Variants in TTC8 observed in about 807,000 individuals in gnomAD.
TTC8 encodes the protein tetratricopeptide repeat domain 8.
Under a neutral mutation model 72.5 loss-of-function variants are expected in TTC8, and 47 were observed. The observed-to-expected ratio is 0.65, with a 90% CI of 0.51 to 0.83. The LOEUF (loss-of-function observed/expected upper bound fraction) is 0.83. TTC8 is among the 40% of genes least tolerant of loss of function. The probability of loss-of-function intolerance (pLI) is 0.00; values close to 1 mark genes in which losing one functional copy is unlikely to be tolerated. For missense variants in TTC8, 611 were observed against 623.2 expected, an observed-to-expected ratio of 0.98 and a Z score of 0.21; for synonymous variants, 199 against 221.4, an observed-to-expected ratio of 0.90 and a Z score of 0.90.
intron 11 of TTC8, among the ~76,000 whole-genome samples, chr14:88,870,405 T>C (rs891578692): frequency 2.0e-5 from 3 of 152,242 alleles, no homozygotes; most frequent in African/African-American, 7.2e-5. Context: ...AGAAACACAC[T>C]GGACAACTGA....
Position 88,841,446 on chromosome 14 carries a change from G to T in TTC8, c.511G>T (p.Asp171Tyr). The T allele has an allele frequency of 6.2e-7, 1 of 1,613,736 alleles. No individual in the cohort carries two copies. Among genetic ancestry groups the T allele is most frequent in the South Asian group, 1.1e-5 (1 of 91,076 alleles). Residue 171 changes from aspartate to tyrosine, a missense_variant, in exon 6 of 15, where the codon GAT becomes TAT. Physicochemically the swap from Asp to Tyr is radical, Grantham distance 160. Coordinates refer to ENST00000380656, the MANE Select transcript of TTC8 (RefSeq NM_144596.4). ...GTAGGCTTCCATGCTTACAAGTCCT[G>T]ATGGACCATTTATAAATTTATCTAG... ...LGTASMLTSPDGPFINLSRLN... is the reference protein window; with the variant it reads ...LGTASMLTSPYGPFINLSRLN...
chr14:88,843,116 A>G (rs2094789773), intron 6 of TTC8, among the ~76,000 whole-genome samples: 1 of 152,162 alleles, frequency 6.6e-6, no homozygotes, highest in South Asian at 2.1e-4. Context: ...GTAAATGCTT[A>G]TTTGTTTAGA....
chr14:88,868,671 T>C (rs2094921126), intron 10 of TTC8, among the ~76,000 whole-genome samples: 1 of 152,198 alleles, frequency 6.6e-6, no homozygotes, highest in South Asian at 2.1e-4. Context: ...GCAGTTGCCA[T>C]GTAGTTGTCA....
chr14:88,862,898 G>C (rs1266321007), intron 10 of TTC8, among the ~76,000 whole-genome samples: 1 of 151,530 alleles, frequency 6.6e-6, no homozygotes, highest in East Asian at 1.9e-4. Flanking sequence ...AATTATTGTA[G>C]TTTTACAATA....
intron 1 of TTC8, among the ~76,000 whole-genome samples, chr14:88,825,717 G>C (rs1471070374): frequency 6.6e-6 from 1 of 152,126 alleles, no homozygotes; most frequent in Non-Finnish European, 1.5e-5. Flanking sequence ...GGAGATGTTA[G>C]AAAAAATGGA....
chr14:88,870,063 TG>T lies in TTC8; in HGVS notation c.915del (p.Met305IlefsTer15), dbSNP rs1431207606. 12 of 1,613,920 alleles carry T rather than the reference TG, an allele frequency of 7.4e-6. No individual in the cohort carries two copies. The highest frequency in any genetic ancestry group is 1.0e-5 in the Non-Finnish European group (12 of 1,179,900). On this transcript the variant is annotated frameshift_variant, in exon 11 of 15. Transcript: ENST00000380656. LOFTEE classifies it high-confidence loss of function. ...LCGIARIYEE[M>X]NNMSSAAEYY... is the part of the protein sequence containing the mutation. ...TTCTCTCTTGATGGAGAATAGGAAA[TG>T]AACAATATGTCATCAGCAGCAGAAT...
At position 88,872,428 on chromosome 14, in the gene TTC8, G is replaced by T. The variant is rs1362262887; in HGVS notation, c.1323G>T (p.Glu441Asp). 1.2e-6 allele frequency: 2 copies of T among 1,614,024 alleles called. No individual in the cohort carries two copies. Among genetic ancestry groups the T allele is most frequent in the Admixed American group, 1.7e-5 (1 of 60,026 alleles). ...CCTACAACAACCTGGCTGTGCTGGA[G>T]ATGCGGAAGGGCCACGTTGAACAGG... Reference protein sequence around the residue: ...AEAYNNLAVLEMRKGHVEQAR... With the variant: ...AEAYNNLAVLDMRKGHVEQAR... Residue 441 changes from glutamate to aspartate, a missense_variant, in exon 13 of 15, where the codon GAG becomes GAT. Glu to Asp is a conservative substitution (Grantham distance 45). Coordinates refer to ENST00000380656, the MANE Select transcript of TTC8 (RefSeq NM_144596.4).
intron 7 of TTC8, chr14:88,846,741 A>T: frequency 1.1e-6 from 1 of 894,238 alleles, no homozygotes; most frequent in Non-Finnish European, 1.6e-6. Context: ...GCCGACTGTA[A>T]TTTTTACATA....
chr14:88,829,389 G>A (rs1332636963), intron 1 of TTC8, among the ~76,000 whole-genome samples: 1 of 152,210 alleles, frequency 6.6e-6, no homozygotes, highest in Admixed American at 6.5e-5. Context: ...TGCTTCTGCA[G>A]CTCATGTTGA....
intron 2 of TTC8, among the ~76,000 whole-genome samples, chr14:88,837,874 G>A (rs1188624354): frequency 6.6e-6 from 1 of 151,960 alleles, no homozygotes; most frequent in East Asian, 1.9e-4. Context: ...AGTTCCAATA[G>A]GAATTGTTTT....
chr14:88,853,902 T>G (rs1431541508), intron 8 of TTC8, among the ~76,000 whole-genome samples: 1 of 152,184 alleles, frequency 6.6e-6, no homozygotes, highest in Non-Finnish European at 1.5e-5. Context: ...TATCTTTTAT[T>G]ATTAAAATAG....
chr14:88,847,122 G>C (rs958348027), intron 7 of TTC8, among the ~76,000 whole-genome samples: 11 of 152,132 alleles, frequency 7.2e-5, no homozygotes, highest in Non-Finnish European at 1.6e-4. Flanking sequence ...TCAAGGGTAG[G>C]TGTGGCGAAT....
intron 13 of TTC8, among the ~76,000 whole-genome samples, chr14:88,872,768 C>T (rs1382006975): frequency 6.6e-6 from 1 of 152,110 alleles, no homozygotes; most frequent in East Asian, 1.9e-4. Flanking sequence ...ATCCTTGGAG[C>T]CACCCCGAAA....
intron 13 of TTC8, among the ~76,000 whole-genome samples, chr14:88,874,372 T>G (rs2094948013): frequency 6.6e-6 from 1 of 152,168 alleles, no homozygotes; most frequent in Non-Finnish European, 1.5e-5. Flanking sequence ...GTGGTCTTAA[T>G]GAATGTATAA....
intron 10 of TTC8, among the ~76,000 whole-genome samples, chr14:88,867,971 T>C (rs1393806659): frequency 6.6e-6 from 1 of 152,126 alleles, no homozygotes; most frequent in Non-Finnish European, 1.5e-5. Flanking sequence ...TTTGTTAGGG[T>C]TTTATGGGAC....
At chr14:88,878,956 C>T (rs1415497807), downstream of TTC8, 1 of 152,158 alleles carries the variant, frequency 6.6e-6, no homozygotes, top group East Asian at 1.9e-4. Context: ...GCAGCGTGGC[C>T]TCTTGAGTGT....
chr14:88,870,020 A>G (rs559927504), intron 10 of TTC8, 39 bp from the exon 11 acceptor site: 2 of 1,608,936 alleles, frequency 1.2e-6, no homozygotes, highest in East Asian at 4.5e-5. Context: ...TTTGTCCAAT[A>G]TTAATAAAAT....
chr14:88,868,322 G>A (rs1651691772), intron 10 of TTC8, among the ~76,000 whole-genome samples: 1 of 152,134 alleles, frequency 6.6e-6, no homozygotes, highest in African/African-American at 2.4e-5. Context: ...TAGCTCAGTT[G>A]CAATTTCTAA....
intron 10 of TTC8, among the ~76,000 whole-genome samples, chr14:88,863,057 T>A (rs2094895593): frequency 6.7e-6 from 1 of 149,744 alleles, no homozygotes; most frequent in African/African-American, 2.5e-5. Context: ...TGGAATTACA[T>A]TGAGTGTGTG....
Sources: allele counts gnomAD v4.1 joint callset (sites outside exome capture counted in the v4.1 genomes callset), GRCh38; gene constraint gnomAD v4.1.1; transcripts MANE v1.5; gene names NCBI Gene and HGNC (gene_info 2026-07-23, HGNC 2026-07-21).